The following STAG1 variants were observed in gnomAD, a reference collection of about 807,000 sequenced individuals.
STAG1 encodes STAG1 cohesin complex component, also known as cohesin subunit SA-1.
In STAG1, 26 loss-of-function variants were observed where a neutral mutation model predicts 170.9. The ratio of observed to expected loss-of-function variants is 0.15; its 90% CI spans 0.11 to 0.21. The LOEUF (loss-of-function observed/expected upper bound fraction) is 0.21, where lower values mean the gene tolerates loss of function less well. Ranked by LOEUF, STAG1 falls within the 10% of genes least tolerant of loss-of-function variation. The probability of loss-of-function intolerance (pLI) is 1.00; values close to 1 mark genes in which losing one functional copy is unlikely to be tolerated. For missense variants in STAG1, 964 were observed against 1,509.5 expected (o/e 0.64, Z 5.99); for synonymous variants, 514 against 497.7 (o/e 1.03, Z -0.44).
chr3:136,706,501 A>T (rs1943231566), intron 1 of STAG1, among the ~76,000 whole-genome samples: 1 of 152,230 alleles, frequency 6.6e-6, no homozygotes, highest in Non-Finnish European at 1.5e-5. Flanking sequence ...ATATCTAAAA[A>T]CAAATTTAAC....
chr3:136,493,350 C>A (rs1393108140), intron 9 of STAG1, among the ~76,000 whole-genome samples: 2 of 151,596 alleles, frequency 1.3e-5, no homozygotes, highest in Non-Finnish European at 2.9e-5. Context: ...CTCAAAAAAA[C>A]CAAACCAAAC....
intron 2 of STAG1, among the ~76,000 whole-genome samples, chr3:136,626,424 C>CA (rs755048196): frequency 0.036 from 2,773 of 76,830 alleles, 61 homozygotes; most frequent in Non-Finnish European, 0.042. Flanking sequence ...GACTACATCT[C>CA]AAAAAAAAAA....
chr3:136,580,843 T>C (rs1029414787), intron 4 of STAG1, among the ~76,000 whole-genome samples: 4 of 152,166 alleles, frequency 2.6e-5, no homozygotes, highest in Non-Finnish European at 5.9e-5. Context: ...TCTTGTATAA[T>C]TCTTAAATCT....
intron 22 of STAG1, among the ~76,000 whole-genome samples, chr3:136,386,085 C>T (rs1465733325): frequency 1.3e-5 from 2 of 152,084 alleles, no homozygotes; most frequent in Non-Finnish European, 2.9e-5. Context: ...TGCCTGTAAT[C>T]CCAGCACTTT....
intron 12 of STAG1, among the ~76,000 whole-genome samples, chr3:136,466,725 A>C (rs1380935572): frequency 2.0e-5 from 3 of 152,200 alleles, no homozygotes; most frequent in Admixed American, 1.3e-4. Flanking sequence ...GTTGAAATGA[A>C]GGAAAAAATG....
chr3:136,426,795 G>A (rs547535290), intron 16 of STAG1, among the ~76,000 whole-genome samples: 100 of 152,122 alleles, frequency 6.6e-4, no homozygotes, highest in African/African-American at 2.3e-3. Flanking sequence ...CCGGCTGAGC[G>A]TGGTGGCTCA....
intron 1 of STAG1, among the ~76,000 whole-genome samples, chr3:136,674,322 G>T (rs1942071713): frequency 6.6e-6 from 1 of 152,114 alleles, no homozygotes; most frequent in Non-Finnish European, 1.5e-5. Flanking sequence ...AACAAAAAAA[G>T]AATAAACTAC....
In STAG1 at chr3:136,423,412, C is replaced by T. The variant is rs377451995; in HGVS notation, c.1651-368G>A. On this transcript the variant is annotated intron_variant, in intron 16 of 33. Transcript: ENST00000383202. ...AATATACACACACTTTTTAAAGTAA[C>T]GCCTTTTAAATACCAACAGAAGCTA... Among the ~76,000 whole-genome samples, 46 of 152,152 alleles carry T rather than the reference C, an allele frequency of 3.0e-4. No individual in the cohort carries two copies. The East Asian group carries it at 5.0e-3, about 17-fold the overall frequency.
At chr3:136,627,880 C>G (rs919115267) in intron 2 of STAG1, among the ~76,000 whole-genome samples, 1 of 152,144 alleles carries the variant, frequency 6.6e-6, no homozygotes, top group East Asian at 1.9e-4. Flanking sequence ...ATCATCTTTT[C>G]CCTAGATACT....
At chr3:136,416,336 A>G (rs1340766832) in intron 21 of STAG1, among the ~76,000 whole-genome samples, 1 of 152,184 alleles carries the variant, frequency 6.6e-6, no homozygotes, top group Non-Finnish European at 1.5e-5. Context: ...AATGTCACAT[A>G]AGTATGTACT....
At chr3:136,618,089 T>C (rs1939676495) in intron 3 of STAG1, among the ~76,000 whole-genome samples, 1 of 152,224 alleles carries the variant, frequency 6.6e-6, no homozygotes. Context: ...ATTCTTTGCC[T>C]TCTACTTTTA....
At chr3:136,404,609 A>G (rs2087424231) in intron 21 of STAG1, among the ~76,000 whole-genome samples, 1 of 152,222 alleles carries the variant, frequency 6.6e-6, no homozygotes. Context: ...ACTTTAATCA[A>G]AATAAAATTG....
chr3:136,649,503 C>CAAA (rs761067087), intron 1 of STAG1, among the ~76,000 whole-genome samples: 16 of 70,874 alleles, frequency 2.3e-4, no homozygotes, highest in Non-Finnish European at 4.5e-4. Flanking sequence ...AAAACAGAAA[C>CAAA]AAAAAAAAAA....
At chr3:136,465,078 G>T in intron 12 of STAG1, 90 bp from the exon 13 acceptor site, 1 of 851,182 alleles carries the variant, frequency 1.2e-6, no homozygotes, top group Admixed American at 3.2e-5. Context: ...TCATTATAAA[G>T]CTCAAGACTT....
At chr3:136,721,754 C>T (rs959160698) in intron 1 of STAG1, among the ~76,000 whole-genome samples, 4 of 151,968 alleles carry the variant, frequency 2.6e-5, no homozygotes, top group African/African-American at 9.7e-5. Context: ...GAAACCCTGT[C>T]TCTACTAAAA....
rs144588760 is a variant in STAG1 at position 136,443,280 on chromosome 3, A to G, written c.1546+7T>C. The G allele has an allele frequency of 4.2e-4, 670 of 1,581,154 alleles. 3 individuals carry two copies. The African/African-American group carries it at 8.0e-3, about 19-fold the overall frequency. On this transcript the variant is annotated splice_region_variant and intron_variant, in intron 15 of 33. Coordinates refer to ENST00000383202, the MANE Select transcript of STAG1 (RefSeq NM_005862.3). ...ATCATGTAAATTAACTTGTCAAAAT[A>G]CTATACCTTCCTCTCCTTGAACAGG...
intron 1 of STAG1, among the ~76,000 whole-genome samples, chr3:136,751,844 G>A (rs1023742098): frequency 1.3e-5 from 2 of 150,714 alleles, no homozygotes; most frequent in African/African-American, 2.4e-5. Context: ...CGGCGGGCCC[G>A]AGCGCGCCAC....
rs145119649 is a variant in STAG1 at position 136,475,021 on chromosome 3, C to A, written c.1027-1384G>T. Among the ~76,000 whole-genome samples, 72 of 151,592 alleles carry A rather than the reference C, an allele frequency of 4.7e-4. 1 individual carries two copies. In the East Asian group the frequency reaches 0.013, roughly 28 times the overall value. On this transcript the variant is annotated intron_variant, in intron 10 of 33. Coordinates refer to ENST00000383202, the MANE Select transcript of STAG1 (RefSeq NM_005862.3). Reference sequence around the variant, plus strand: ...TCTGTACAGGATACCCTCTAAGGTACAATTTACTCTCCCAATCTCCCTGTG... The same window carrying A: ...TCTGTACAGGATACCCTCTAAGGTAAAATTTACTCTCCCAATCTCCCTGTG...
chr3:136,430,661 T>A (rs1576458565), intron 16 of STAG1, among the ~76,000 whole-genome samples: 1 of 149,624 alleles, frequency 6.7e-6, no homozygotes, highest in African/African-American at 2.5e-5. Context: ...TATCTCATAG[T>A]GTTTTAAGTT....
Sources: gnomAD v4.1 joint callset for allele counts (sites outside exome capture counted in the v4.1 genomes callset) on GRCh38, gnomAD v4.1.1 for gene constraint, MANE v1.5 for transcripts, NCBI Gene and HGNC (gene_info 2026-07-23, HGNC 2026-07-21) for gene names.